CDC14A: variants seen among roughly 807,000 people sequenced by gnomAD.
CDC14A encodes the protein dual specificity protein phosphatase CDC14A.
Under a neutral mutation model 74.4 loss-of-function variants are expected in CDC14A, and 53 were observed. The observed-to-expected ratio is 0.71, with a 90% CI of 0.57 to 0.89. The LOEUF (loss-of-function observed/expected upper bound fraction) is 0.89, where lower values mean the gene tolerates loss of function less well. Among genes scored for constraint, CDC14A ranks in the 40% least tolerant of loss-of-function variants. The pLI, the probability that CDC14A is intolerant of heterozygous loss-of-function variation, is 0.00. For synonymous variants in CDC14A, 247 were observed against 258.4 expected, an observed-to-expected ratio of 0.96 and a Z score of 0.43; for missense variants, 646 against 713.7, an observed-to-expected ratio of 0.91 and a Z score of 1.08.
At chr1:100,360,383 A>G (rs1652585929) in intron 2 of CDC14A, among the ~76,000 whole-genome samples, 1 of 145,428 alleles carries the variant, frequency 6.9e-6, no homozygotes, top group Admixed American at 6.9e-5. Flanking sequence ...TTGCTCTGTC[A>G]CCCAGACTGG....
intron 6 of CDC14A, among the ~76,000 whole-genome samples, chr1:100,441,082 A>G (rs912888771): frequency 1.4e-4 from 21 of 152,120 alleles, no homozygotes; most frequent in African/African-American, 5.1e-4. Flanking sequence ...TATCGTCACT[A>G]TTATTATTTT....
intron 3 of CDC14A, among the ~76,000 whole-genome samples, chr1:100,387,057 A>G (rs1656981049): frequency 6.6e-6 from 1 of 151,960 alleles, no homozygotes; most frequent in African/African-American, 2.4e-5. Flanking sequence ...AACATCAGCT[A>G]AACAACGGAC....
chr1:100,395,988 C>T (rs536899580), intron 4 of CDC14A, among the ~76,000 whole-genome samples: 1 of 152,200 alleles, frequency 6.6e-6, no homozygotes, highest in Non-Finnish European at 1.5e-5. Context: ...CCCTAGTCAT[C>T]CTTTAGACCT....
intron 3 of CDC14A, among the ~76,000 whole-genome samples, chr1:100,381,452 G>A (rs1262521588): frequency 6.6e-6 from 1 of 152,042 alleles, no homozygotes. Flanking sequence ...GTTCTTTTAG[G>A]CACATTTCAT....
At chr1:100,504,782 C>T (rs1323282267) in intron 15 of CDC14A, 1 of 1,497,238 alleles carries the variant, frequency 6.7e-7, no homozygotes, top group Non-Finnish European at 9.0e-7. Context: ...CAGCATTTAC[C>T]TTGCTTATTC....
chr1:100,366,606 G>A (rs1653659944), intron 2 of CDC14A, among the ~76,000 whole-genome samples: 1 of 152,206 alleles, frequency 6.6e-6, no homozygotes, highest in Non-Finnish European at 1.5e-5. Context: ...CTGTGGGGTG[G>A]TGGGTGATCC....
At chr1:100,495,038 A>G in intron 12 of CDC14A, 108 bp downstream of exon 12, 1 of 629,436 alleles carries the variant, frequency 1.6e-6, no homozygotes, top group Non-Finnish European at 2.8e-6. Flanking sequence ...TGTTCTACAA[A>G]TACTAAGTTT....
At chr1:100,349,762 A>G (rs950149159), upstream of CDC14A, among the ~76,000 whole-genome samples, 3 of 152,146 alleles carry the variant, frequency 2.0e-5, no homozygotes, top group Admixed American at 6.5e-5. Context: ...CTCCCGGTTC[A>G]AGCCATTCTC....
chr1:100,432,385 G>T (rs1260101968), intron 5 of CDC14A, among the ~76,000 whole-genome samples: 1 of 152,220 alleles, frequency 6.6e-6, no homozygotes, highest in Non-Finnish European at 1.5e-5. Context: ...AATATAGTCT[G>T]CAGCTGAACT....
intron 4 of CDC14A, among the ~76,000 whole-genome samples, chr1:100,392,570 A>C (rs962667167): frequency 6.6e-6 from 1 of 152,048 alleles, no homozygotes; most frequent in Non-Finnish European, 1.5e-5. Flanking sequence ...GCAGTTATCT[A>C]TGATGATGAT....
chr1:100,517,439 GT>G (rs1445518749), intron 15 of CDC14A, among the ~76,000 whole-genome samples: 1 of 152,150 alleles, frequency 6.6e-6, no homozygotes, highest in Non-Finnish European at 1.5e-5. Context: ...ATTTGTTAAT[GT>G]TTAGATTGAT....
intron 2 of CDC14A, 89 bp from the exon 3 acceptor site, chr1:100,377,457 A>G: frequency 2.4e-6 from 2 of 840,266 alleles, no homozygotes; most frequent in East Asian, 2.6e-5. Context: ...ATTTGATTGT[A>G]AATTTAATGA....
At position 100,504,877 on chromosome 1, in the gene CDC14A, A is replaced by C. The variant is rs987522371; in HGVS notation, c.1755+5615A>C. ...TGGAAGCCCCCTGCTCTCCTTACCA[A>C]TTTCTCATCTTTAAATAAAGACATA... is the stretch of plus-strand genomic sequence containing the variant. On this transcript the variant is annotated intron_variant, in intron 15 of 15. Transcript: ENST00000336454. 36 of 1,535,264 alleles carry C rather than the reference A, an allele frequency of 2.3e-5. No homozygotes were observed. The African/African-American group carries it at 4.1e-4, about 18-fold the overall frequency.
chr1:100,486,838 T>C (rs1388433977), intron 11 of CDC14A, among the ~76,000 whole-genome samples: 1 of 152,258 alleles, frequency 6.6e-6, no homozygotes, highest in Non-Finnish European at 1.5e-5. Context: ...GCCCTAGGAC[T>C]ACTTTATTAG....
chr1:100,405,004 G>A (rs937700006), intron 4 of CDC14A, among the ~76,000 whole-genome samples: 6 of 152,194 alleles, frequency 3.9e-5, no homozygotes, highest in African/African-American at 9.7e-5. Flanking sequence ...AGACAGACAA[G>A]CCTTTCCATG....
intron 5 of CDC14A, among the ~76,000 whole-genome samples, chr1:100,432,969 T>C (rs1049020321): frequency 8.5e-5 from 13 of 152,134 alleles, no homozygotes; most frequent in Non-Finnish European, 1.5e-5. Flanking sequence ...CTCACTGCAG[T>C]CTTGAACTCC....
rs28364896 is a variant in CDC14A, at chr1:100,483,913, TTCTC to T, written c.978-375_978-372del. ...TCATGTACAGTTTTGAGTCCAGTTA[TTCTC>T]TCTGTTTTTATAAATAGGCATATCA... On this transcript the variant is annotated intron_variant, in intron 10 of 15. Transcript: ENST00000336454. Among the ~76,000 whole-genome samples, 1,147 of 152,300 alleles carry T rather than the reference TTCTC, an allele frequency of 7.5e-3. 29 individuals carry two copies. The highest frequency in any genetic ancestry group is 0.044 in the Admixed American group (679 of 15,294).
At chr1:100,453,737 T>A (rs578108260) in intron 7 of CDC14A, among the ~76,000 whole-genome samples, 1 of 152,320 alleles carries the variant, frequency 6.6e-6, no homozygotes, top group African/African-American at 2.4e-5. Flanking sequence ...TCGCTGGGGC[T>A]CAAGCAGTTC....
Position 100,455,496 on chromosome 1 carries a change from G to C in CDC14A, c.607+4G>C, listed in dbSNP as rs1265986772. ...CCTAAAAGCAAAATTGAGAATGGTA[G>C]GTTTTTTTTTCCTTTACCATCCAAA... On this transcript the variant is annotated splice_donor_region_variant and intron_variant, in intron 8 of 15. Transcript: ENST00000336454. 1.3e-6 allele frequency: 2 copies of C among 1,544,006 alleles called. No homozygotes were observed. The highest frequency in any genetic ancestry group is 1.8e-6 in the Non-Finnish European group (2 of 1,138,198).
Sources: allele counts gnomAD v4.1 joint callset (sites outside exome capture counted in the v4.1 genomes callset), GRCh38; gene constraint gnomAD v4.1.1; transcripts MANE v1.5; gene names NCBI Gene and HGNC (gene_info 2026-07-23, HGNC 2026-07-21).